Variants in NUP37 observed in about 807,000 individuals in gnomAD.
NUP37 encodes the protein nucleoporin Nup37.
NUP37 carries 33 observed loss-of-function variants against 45.4 expected under a neutral mutation model. The ratio of observed to expected loss-of-function variants is 0.73; its 90% confidence interval spans 0.55 to 0.97. The LOEUF (loss-of-function observed/expected upper bound fraction) is 0.97, where lower values mean the gene tolerates loss of function less well. NUP37 is among the 50% of genes least tolerant of loss of function. The pLI is 0.00. For synonymous variants in NUP37, 127 were observed against 130.7 expected (o/e 0.97, Z 0.19); for missense variants, 365 against 389.7 (o/e 0.94, Z 0.53).
At chr12:102,083,833 A>G (rs953389690) in intron 6 of NUP37, among the ~76,000 whole-genome samples, 5 of 152,210 alleles carry the variant, frequency 3.3e-5, no homozygotes, top group African/African-American at 1.2e-4. Context: ...GCAGTGTAAA[A>G]CACTGGCTGG....
chr12:102,086,636 G>A (rs1489296708), intron 5 of NUP37, among the ~76,000 whole-genome samples: 7 of 152,176 alleles, frequency 4.6e-5, no homozygotes, highest in Admixed American at 3.3e-4. Context: ...CTCAGTCATG[G>A]CACCATGTCG....
In NUP37 at chr12:102,086,956, C is replaced by A. The variant is rs115474962; in HGVS notation, c.450-1100G>T. 2.5e-3 allele frequency among the ~76,000 whole-genome samples: 375 copies of A among 152,296 alleles called. 1 individual carries two copies. The highest frequency in any genetic ancestry group is 8.8e-3 in the African/African-American group (364 of 41,548). The stretch of plus-strand genomic sequence containing the variant: ...AAAATTGGCCAGGCATAGTGATGCA[C>A]ACTTGTAGCCCCAGCTATTACTTGG... On this transcript the variant is annotated intron_variant, in intron 5 of 9. Transcript: ENST00000552283.
At chr12:102,088,372 A>G (rs1879531120) in intron 5 of NUP37, among the ~76,000 whole-genome samples, 1 of 152,122 alleles carries the variant, frequency 6.6e-6, no homozygotes, top group African/African-American at 2.4e-5. Context: ...CATATATAAT[A>G]AAAATACACA....
chr12:102,094,499 T>C (rs534672172), intron 5 of NUP37, among the ~76,000 whole-genome samples: 1 of 152,022 alleles, frequency 6.6e-6, no homozygotes, highest in Non-Finnish European at 1.5e-5. Flanking sequence ...GTGATCTCAA[T>C]TGGGGTGGGG....
At chr12:102,091,725 A>G (rs1383952044) in intron 5 of NUP37, among the ~76,000 whole-genome samples, 2 of 152,194 alleles carry the variant, frequency 1.3e-5, no homozygotes, top group African/African-American at 4.8e-5. Context: ...GTGAAATAAA[A>G]TGACAGTTTT....
chr12:102,081,900 G>A (rs1879341724), intron 6 of NUP37, among the ~76,000 whole-genome samples: 1 of 152,126 alleles, frequency 6.6e-6, no homozygotes, highest in Non-Finnish European at 1.5e-5. Flanking sequence ...GTTTCACCAT[G>A]TTGCCCAGGC....
chr12:102,092,267 T>C (rs568222193), intron 5 of NUP37, among the ~76,000 whole-genome samples: 1 of 152,340 alleles, frequency 6.6e-6, no homozygotes, highest in African/African-American at 2.4e-5. Context: ...TCTGTATCCA[T>C]TTGGCCCTAA....
At chr12:102,119,753 G>C (rs2292303) in intron 1 of NUP37, among the ~76,000 whole-genome samples, 5,410 of 152,230 alleles carry the variant, frequency 0.036, 398 homozygotes, top group East Asian at 0.3. Flanking sequence ...TCGAGGTCAC[G>C]AAATTGTTCC....
intron 6 of NUP37, among the ~76,000 whole-genome samples, chr12:102,082,799 G>GA (rs1173488346): frequency 6.6e-6 from 1 of 152,136 alleles, no homozygotes; most frequent in Non-Finnish European, 1.5e-5. Context: ...AAAGACTTTA[G>GA]AAACAAGCTA....
chr12:102,083,277 G>T lies in NUP37; in HGVS notation c.540+2489C>A, dbSNP rs147769007. Among the ~76,000 whole-genome samples, 433 of 152,310 alleles carry T rather than the reference G, an allele frequency of 2.8e-3. 2 individuals are homozygous for T. Among genetic ancestry groups the T allele is most frequent in the African/African-American group, 9.5e-3 (395 of 41,556 alleles). On this transcript the variant is annotated intron_variant, in intron 6 of 9. Coordinates refer to ENST00000552283, the MANE Select transcript of NUP37 (RefSeq NM_024057.4). ...ACTGTGTGTTTTAAGTAGACTCACTGCTCTCAGGGAGAAATGTAGGCATAA... is the reference window on the plus strand; with the variant it reads ...ACTGTGTGTTTTAAGTAGACTCACTTCTCTCAGGGAGAAATGTAGGCATAA...
chr12:102,075,091 C>T lies in NUP37; in HGVS notation c.777G>A (p.Trp259Ter). The T allele has an allele frequency of 6.2e-7, 1 of 1,602,614 alleles. No individual in the cohort carries two copies. Among genetic ancestry groups the T allele is most frequent in the Non-Finnish European group, 8.5e-7 (1 of 1,171,916 alleles). The stretch of plus-strand genomic sequence containing the variant: ...CAAACAGATTTTCACTAATTGTGGA[C>T]CACCTAAGAAATAAGGAAGCGTAAA... ...VHMDRACLFRWSTISENLFAT... is the reference protein window; with the variant it reads ...VHMDRACLFR The change falls in exon 9 of 10, where the codon TGG becomes TGA. Residue 259 changes from tryptophan (W) to a stop codon, truncating the protein, a stop_gained. Transcript: ENST00000552283. LOFTEE classifies it high-confidence loss of function.
chr12:102,100,985 A>C, intron 4 of NUP37, 47 bp downstream of exon 4: 1 of 1,199,104 alleles, frequency 8.3e-7, no homozygotes, highest in Non-Finnish European at 1.2e-6. Context: ...CAAAAAACAA[A>C]CACGTTTTAA....
intron 6 of NUP37, among the ~76,000 whole-genome samples, chr12:102,079,934 G>A (rs1318987458): frequency 3.3e-5 from 5 of 152,164 alleles, no homozygotes; most frequent in Non-Finnish European, 7.4e-5. Context: ...GTATGTCTGT[G>A]ACTAAAGAAG....
intron 2 of NUP37, among the ~76,000 whole-genome samples, chr12:102,116,114 AC>A (rs1880453827): frequency 6.6e-6 from 1 of 152,194 alleles, no homozygotes; most frequent in Non-Finnish European, 1.5e-5. Flanking sequence ...GTGACCATAA[AC>A]TATAACAGAA....
intron 2 of NUP37, among the ~76,000 whole-genome samples, chr12:102,118,132 T>C (rs1010018995): frequency 1.3e-5 from 2 of 152,222 alleles, no homozygotes; most frequent in African/African-American, 4.8e-5. Context: ...AATATTCCAT[T>C]AATGATCATG....
At chr12:102,101,353 T>C (rs547658525) in intron 3 of NUP37, among the ~76,000 whole-genome samples, 199 of 152,376 alleles carry the variant, frequency 1.3e-3, no homozygotes, top group African/African-American at 4.6e-3. Flanking sequence ...TGGATGTGCT[T>C]CTTCAGTAAT....
chr12:102,106,446 T>C (rs1880157938), intron 3 of NUP37, among the ~76,000 whole-genome samples: 1 of 152,198 alleles, frequency 6.6e-6, no homozygotes, highest in South Asian at 2.1e-4. Flanking sequence ...GGTGCCTTTA[T>C]TACTTCTTAG....
chr12:102,099,419 C>T (rs999325454), intron 4 of NUP37, among the ~76,000 whole-genome samples: 1 of 151,972 alleles, frequency 6.6e-6, no homozygotes, highest in African/African-American at 2.4e-5. Flanking sequence ...ACACTATTAG[C>T]TTAGTCTTTC....
rs80232263 is a variant in NUP37, at chr12:102,097,739, C to A, written c.449+1367G>T. Among the ~76,000 whole-genome samples the A allele has an allele frequency of 2.4e-3, 364 of 152,164 alleles. 1 individual carries two copies. Among genetic ancestry groups the A allele is most frequent in the African/African-American group, 8.6e-3 (359 of 41,532 alleles). On this transcript the variant is annotated intron_variant, in intron 5 of 9. Coordinates refer to ENST00000552283, the MANE Select transcript of NUP37 (RefSeq NM_024057.4). ...TCTATGTTTTAAAGAGCTGAAATGC[C>A]ATTATTTATTTCCAGTGACCGAATT...
Sources: gnomAD v4.1 joint callset for allele counts (sites outside exome capture counted in the v4.1 genomes callset) on GRCh38, gnomAD v4.1.1 for gene constraint, MANE v1.5 for transcripts, NCBI Gene and HGNC (gene_info 2026-07-23, HGNC 2026-07-21) for gene names.